POU2F3: variants seen among roughly 807,000 people sequenced by gnomAD.
POU2F3 encodes POU class 2 homeobox 3.
In POU2F3, 23 loss-of-function variants were observed where a neutral mutation model predicts 59.2. That is an observed-to-expected ratio of 0.39 (90% CI 0.28 to 0.55). The LOEUF is 0.55. Among genes scored for constraint, POU2F3 ranks in the 20% least tolerant of loss-of-function variants. The pLI is 0.66. For synonymous variants in POU2F3, 190 were observed against 214.6 expected, an observed-to-expected ratio of 0.89 and a Z score of 1.00; for missense variants, 473 against 544.5, an observed-to-expected ratio of 0.87 and a Z score of 1.31.
chr11:120,273,045 G>C (rs1296780547), intron 3 of POU2F3, among the ~76,000 whole-genome samples: 1 of 152,174 alleles, frequency 6.6e-6, no homozygotes, highest in Non-Finnish European at 1.5e-5. Flanking sequence ...ACTTCCACTC[G>C]ACTTCCATTT....
intron 3 of POU2F3, among the ~76,000 whole-genome samples, chr11:120,278,243 A>T (rs1940416041): frequency 6.6e-6 from 1 of 152,202 alleles, no homozygotes; most frequent in Admixed American, 6.5e-5. Context: ...GTTGTATGGG[A>T]TGCAAAGAAG....
intron 3 of POU2F3, among the ~76,000 whole-genome samples, chr11:120,292,465 G>A (rs1452850599): frequency 1.3e-5 from 2 of 152,148 alleles, no homozygotes; most frequent in Non-Finnish European, 2.9e-5. Flanking sequence ...CTCAGAGTTT[G>A]ATGCTTAGCA....
At chr11:120,239,913 G>A (rs1033567113), upstream of POU2F3, among the ~76,000 whole-genome samples, 4 of 152,260 alleles carry the variant, frequency 2.6e-5, no homozygotes, top group African/African-American at 9.6e-5. Flanking sequence ...AGGACCAGGA[G>A]TTGGCGCCAC....
At chr11:120,300,037 A>G (rs111432253) in intron 5 of POU2F3, among the ~76,000 whole-genome samples, 94 of 152,254 alleles carry the variant, frequency 6.2e-4, no homozygotes, top group African/African-American at 2.1e-3. Context: ...AGGGAGGGGA[A>G]GCGCCCTGGG....
chr11:120,247,405 CA>C (rs987327670), intron 2 of POU2F3, among the ~76,000 whole-genome samples: 3 of 152,136 alleles, frequency 2.0e-5, no homozygotes, highest in African/African-American at 7.2e-5. Flanking sequence ...AGATTCTTGT[CA>C]GGGGCAAGAT....
intron 8 of POU2F3, among the ~76,000 whole-genome samples, chr11:120,306,749 C>T (rs937682780): frequency 6.6e-6 from 1 of 152,174 alleles, no homozygotes; most frequent in Non-Finnish European, 1.5e-5. Context: ...CCAGCCAGGG[C>T]TGTTACTCAT....
At chr11:120,291,956 C>T (rs1394434126) in intron 3 of POU2F3, among the ~76,000 whole-genome samples, 2 of 151,906 alleles carry the variant, frequency 1.3e-5, no homozygotes, top group Non-Finnish European at 2.9e-5. Flanking sequence ...CTACAGGCAC[C>T]CGCCACCACA....
chr11:120,277,177 GCTA>G (rs1304277728), intron 3 of POU2F3, among the ~76,000 whole-genome samples: 1 of 152,186 alleles, frequency 6.6e-6, no homozygotes, highest in African/African-American at 2.4e-5. Context: ...TGTAATCCCA[GCTA>G]CTTGGGAGGC....
At chr11:120,270,898 TGC>T (rs1306209874) in intron 3 of POU2F3, among the ~76,000 whole-genome samples, 1 of 152,118 alleles carries the variant, frequency 6.6e-6, no homozygotes, top group African/African-American at 2.4e-5. Context: ...TTTGCCACCT[TGC>T]CCAGACTGGT....
At chr11:120,283,813 G>GTA (rs1366163137) in intron 3 of POU2F3, among the ~76,000 whole-genome samples, 1 of 145,416 alleles carries the variant, frequency 6.9e-6, no homozygotes, top group Non-Finnish European at 1.5e-5. Context: ...GTGTGTGTGT[G>GTA]TGTGTGTCTG....
chr11:120,280,484 T>C (rs963839212), intron 3 of POU2F3, among the ~76,000 whole-genome samples: 1 of 152,164 alleles, frequency 6.6e-6, no homozygotes, highest in African/African-American at 2.4e-5. Context: ...GCATTATTCT[T>C]CCCATTATAA....
chr11:120,282,475 G>T (rs1383807682), intron 3 of POU2F3, among the ~76,000 whole-genome samples: 2 of 152,176 alleles, frequency 1.3e-5, no homozygotes, highest in Non-Finnish European at 2.9e-5. Flanking sequence ...GGCCAACATG[G>T]CGAAACCCTG....
intron 5 of POU2F3, chr11:120,301,586 C>G (rs1355378709): frequency 2.6e-5 from 4 of 154,098 alleles, no homozygotes; most frequent in Non-Finnish European, 5.8e-5. Context: ...GGTTTGATGG[C>G]CCCACTCCTG....
chr11:120,279,066 T>C (rs989429870), intron 3 of POU2F3, among the ~76,000 whole-genome samples: 6 of 152,196 alleles, frequency 3.9e-5, no homozygotes, highest in Non-Finnish European at 8.8e-5. Flanking sequence ...TCATCATTCC[T>C]ATTCCATAGA....
chr11:120,297,376 G>A (rs936900895), intron 3 of POU2F3, among the ~76,000 whole-genome samples: 4 of 152,194 alleles, frequency 2.6e-5, no homozygotes, highest in Admixed American at 1.3e-4. Context: ...AAACCACCAC[G>A]GGCCCCTCAG....
At chr11:120,287,508 C>T (rs923483251) in intron 3 of POU2F3, among the ~76,000 whole-genome samples, 1 of 152,216 alleles carries the variant, frequency 6.6e-6, no homozygotes, top group African/African-American at 2.4e-5. Context: ...TCAGCCCTAA[C>T]CCTTGAGACC....
chr11:120,238,637 C>A (rs1416336262), upstream of POU2F3, among the ~76,000 whole-genome samples: 2 of 151,816 alleles, frequency 1.3e-5, no homozygotes, highest in Admixed American at 1.3e-4. Context: ...GAGATCGAGA[C>A]CATCCTGGCA....
intron 2 of POU2F3, among the ~76,000 whole-genome samples, chr11:120,267,363 A>G (rs897503863): frequency 6.6e-6 from 1 of 152,106 alleles, no homozygotes; most frequent in African/African-American, 2.4e-5. Context: ...TCCTGACCTC[A>G]AATGATAGAC....
intron 3 of POU2F3, among the ~76,000 whole-genome samples, chr11:120,288,226 G>T (rs913424123): frequency 2.0e-5 from 3 of 151,032 alleles, no homozygotes; most frequent in Admixed American, 6.6e-5. Context: ...CTGAGGGCAT[G>T]GTTGCTTTTA....
Sources: allele counts gnomAD v4.1 joint callset (sites outside exome capture counted in the v4.1 genomes callset), GRCh38; gene constraint gnomAD v4.1.1; transcripts MANE v1.5; gene names NCBI Gene and HGNC (gene_info 2026-07-23, HGNC 2026-07-21).